Variants in KCNQ3 observed in about 807,000 individuals in gnomAD.
KCNQ3 encodes potassium voltage-gated channel subfamily Q member 3, also known as potassium voltage-gated channel subfamily KQT member 3.
A neutral mutation model predicts 92.5 loss-of-function variants in KCNQ3; 30 were observed. The observed-to-expected ratio is 0.32, with a 90% CI of 0.24 to 0.44. The LOEUF (loss-of-function observed/expected upper bound fraction) is 0.44. Ranked by LOEUF, KCNQ3 falls within the 20% of genes least tolerant of loss-of-function variation. The pLI is 1.00. For missense variants in KCNQ3, 913 were observed against 1,140.3 expected, an observed-to-expected ratio of 0.80 and a Z score of 2.87; for synonymous variants, 450 against 468.8, an observed-to-expected ratio of 0.96 and a Z score of 0.52.
chr8:132,367,227 G>T (rs967043787), intron 1 of KCNQ3, among the ~76,000 whole-genome samples: 1 of 152,112 alleles, frequency 6.6e-6, no homozygotes. Flanking sequence ...CTTGCATATT[G>T]ATCCACAATG....
chr8:132,394,265 C>A (rs1305535156), intron 1 of KCNQ3, among the ~76,000 whole-genome samples: 2 of 152,124 alleles, frequency 1.3e-5, no homozygotes, highest in Non-Finnish European at 2.9e-5. Flanking sequence ...GAGGAGAGAG[C>A]ATGGGATTTC....
At chr8:132,142,726 T>A (rs1300990597) in intron 9 of KCNQ3, among the ~76,000 whole-genome samples, 1 of 152,158 alleles carries the variant, frequency 6.6e-6, no homozygotes, top group South Asian at 2.1e-4. Context: ...CAGCTCTGCA[T>A]GGGTTTGCGA....
intron 1 of KCNQ3, among the ~76,000 whole-genome samples, chr8:132,186,829 C>T (rs576093865): frequency 6.6e-5 from 10 of 152,096 alleles, no homozygotes; most frequent in Admixed American, 1.3e-4. Context: ...GAGAGGTCAC[C>T]TGGTTCATGA....
chr8:132,327,125 G>A (rs1320394877), intron 1 of KCNQ3, among the ~76,000 whole-genome samples: 2 of 152,152 alleles, frequency 1.3e-5, no homozygotes, highest in Non-Finnish European at 2.9e-5. Context: ...TATGTGCAAG[G>A]CATGGAGGCA....
At chr8:132,260,028 T>C (rs1815724919) in intron 1 of KCNQ3, among the ~76,000 whole-genome samples, 1 of 152,190 alleles carries the variant, frequency 6.6e-6, no homozygotes, top group African/African-American at 2.4e-5. Flanking sequence ...AGACATCCTG[T>C]GTTCATAGAC....
At chr8:132,206,820 T>G (rs1021558611) in intron 1 of KCNQ3, among the ~76,000 whole-genome samples, 1 of 152,218 alleles carries the variant, frequency 6.6e-6, no homozygotes, top group Admixed American at 6.5e-5. Context: ...TTTGTGTTAT[T>G]TTTTCATTTC....
chr8:132,277,885 A>G, intron 1 of KCNQ3: 2 of 919,284 alleles, frequency 2.2e-6, no homozygotes, highest in South Asian at 1.0e-4. Flanking sequence ...TTTTATAATG[A>G]TCCCCCTGTC....
intron 9 of KCNQ3, among the ~76,000 whole-genome samples, chr8:132,162,958 T>G (rs11991537): frequency 0.08 from 12,154 of 152,286 alleles, 555 homozygotes; most frequent in South Asian, 0.12. Flanking sequence ...GGTATATAGA[T>G]AGATGTGGTT....
chr8:132,163,536 T>A (rs1206529030), intron 8 of KCNQ3, 42 bp from the exon 9 acceptor site: 2 of 1,493,296 alleles, frequency 1.3e-6, no homozygotes, highest in Non-Finnish European at 1.9e-6. Flanking sequence ...ATAAATTACG[T>A]GAAACAGCTG....
intron 1 of KCNQ3, among the ~76,000 whole-genome samples, chr8:132,276,555 C>T (rs1479029545): frequency 1.3e-5 from 2 of 152,202 alleles, no homozygotes; most frequent in Non-Finnish European, 2.9e-5. Flanking sequence ...ATTCTAATTC[C>T]AGGCAGCGAT....
At chr8:132,295,921 T>G (rs1281440414) in intron 1 of KCNQ3, among the ~76,000 whole-genome samples, 2 of 151,710 alleles carry the variant, frequency 1.3e-5, no homozygotes, top group East Asian at 3.9e-4. Context: ...AAATAGCTAA[T>G]GCACACGGGG....
At chr8:132,329,041 C>T (rs1818151138) in intron 1 of KCNQ3, among the ~76,000 whole-genome samples, 1 of 152,204 alleles carries the variant, frequency 6.6e-6, no homozygotes, top group Non-Finnish European at 1.5e-5. Context: ...GCCAGGCATT[C>T]TCTGAACACT....
intron 1 of KCNQ3, among the ~76,000 whole-genome samples, chr8:132,220,957 C>T (rs780623558): frequency 5.3e-5 from 8 of 151,926 alleles, no homozygotes. Flanking sequence ...CTAATGTGAT[C>T]CCTCCCCCTG....
intron 9 of KCNQ3, among the ~76,000 whole-genome samples, chr8:132,146,624 C>T (rs140257199): frequency 1.2e-3 from 172 of 149,270 alleles, no homozygotes; most frequent in Middle Eastern, 3.5e-3. Flanking sequence ...ACAGGGTCTA[C>T]ACTCTGTCAT....
chr8:132,391,568 C>T (rs1303302608), intron 1 of KCNQ3, among the ~76,000 whole-genome samples: 1 of 152,136 alleles, frequency 6.6e-6, no homozygotes, highest in Non-Finnish European at 1.5e-5. Context: ...CTGAAACAAA[C>T]ATCACCAAAC....
At chr8:132,257,331 A>G (rs971712099) in intron 1 of KCNQ3, among the ~76,000 whole-genome samples, 2 of 152,226 alleles carry the variant, frequency 1.3e-5, no homozygotes, top group Non-Finnish European at 2.9e-5. Context: ...ACCAACGAAG[A>G]TGTTAGACAT....
At chr8:132,342,646 C>A in intron 1 of KCNQ3, among the ~76,000 whole-genome samples, 1 of 152,236 alleles carries the variant, frequency 6.6e-6, no homozygotes, top group African/African-American at 2.4e-5. Flanking sequence ...GAGTTTGCCA[C>A]CAGTTTCCTG....
intron 9 of KCNQ3, among the ~76,000 whole-genome samples, chr8:132,146,334 A>C (rs1458579740): frequency 6.6e-6 from 1 of 152,230 alleles, no homozygotes; most frequent in Middle Eastern, 3.2e-3. Flanking sequence ...TACATGTTGC[A>C]ACATGAATAA....
chr8:132,400,728 A>G (rs1451091604), intron 1 of KCNQ3, among the ~76,000 whole-genome samples: 2 of 152,270 alleles, frequency 1.3e-5, no homozygotes, highest in African/African-American at 4.8e-5. Flanking sequence ...GAAACAGCGT[A>G]TAAAGAATCA....
Sources: allele counts gnomAD v4.1 joint callset (sites outside exome capture counted in the v4.1 genomes callset), GRCh38; gene constraint gnomAD v4.1.1; transcripts MANE v1.5; gene names NCBI Gene and HGNC (gene_info 2026-07-23, HGNC 2026-07-21).